NDUFAF2: variants seen among roughly 807,000 people sequenced by gnomAD.
The protein encoded by NDUFAF2 is NADH:ubiquinone oxidoreductase complex assembly factor 2.
Under a neutral mutation model 22.8 loss-of-function variants are expected in NDUFAF2, and 13 were observed. The observed-to-expected ratio is 0.57, with a 90% CI of 0.37 to 0.91. The LOEUF (loss-of-function observed/expected upper bound fraction) is 0.91. NDUFAF2 is among the 40% of genes least tolerant of loss of function. NDUFAF2 has a pLI of 0.01. For synonymous variants in NDUFAF2, 53 were observed against 64.2 expected (o/e 0.83, Z 0.84); for missense variants, 162 against 195.2 (o/e 0.83, Z 1.01).
intron 3 of NDUFAF2, chr5:61,145,918 G>A (rs764883122): frequency 1.3e-5 from 2 of 152,128 alleles, no homozygotes; most frequent in African/African-American, 2.4e-5. Context: ...TTGACCTCAT[G>A]CATGACTCTC....
In NDUFAF2 at chr5:60,996,755, T is replaced by G. The variant is rs113252672; in HGVS notation, c.127+51373T>G. On this transcript the variant is annotated intron_variant, in intron 1 of 3. Transcript: ENST00000296597. The stretch of plus-strand genomic sequence containing the variant: ...CTCTGGCTAGGGCTGATTTTGATGT[T>G]CCCTCTGTAGGCGGGCTTAGCTCAA... Among the ~76,000 whole-genome samples the G allele has an allele frequency of 5.0e-4, 76 of 152,272 alleles. 1 individual carries two copies. Among genetic ancestry groups the G allele is most frequent in the African/African-American group, 1.7e-3 (69 of 41,560 alleles).
chr5:61,057,355 A>G (rs1185366134), intron 1 of NDUFAF2, among the ~76,000 whole-genome samples: 1 of 152,182 alleles, frequency 6.6e-6, no homozygotes, highest in African/African-American at 2.4e-5. Flanking sequence ...ATTGTCTTAC[A>G]ACCAGTTACT....
intron 1 of NDUFAF2, among the ~76,000 whole-genome samples, chr5:61,056,854 A>T (rs113536700): frequency 0.019 from 2,409 of 127,258 alleles, 91 homozygotes; most frequent in African/African-American, 0.069. Context: ...ACGCCATTGC[A>T]CTCCAGCCTG....
chr5:61,044,193 A>G (rs1751918841), intron 1 of NDUFAF2, among the ~76,000 whole-genome samples: 1 of 151,356 alleles, frequency 6.6e-6, no homozygotes, highest in Admixed American at 6.6e-5. Context: ...TTATTTTTTA[A>G]TCAGGTTATT....
At chr5:61,043,703 ATGTGTGTGTGTGTG>A (rs201326548) in intron 1 of NDUFAF2, among the ~76,000 whole-genome samples, 2 of 131,722 alleles carry the variant, frequency 1.5e-5, no homozygotes, top group African/African-American at 6.8e-5. Context: ...GTGTGTGTGT[ATGTGTGTGTGTGTG>A]TGTGTATCTA....
At chr5:61,019,017 C>T (rs1015016638) in intron 1 of NDUFAF2, among the ~76,000 whole-genome samples, 3 of 151,920 alleles carry the variant, frequency 2.0e-5, no homozygotes, top group Non-Finnish European at 4.4e-5. Context: ...GTTCTATTAC[C>T]TTATGTGGGT....
intron 1 of NDUFAF2, among the ~76,000 whole-genome samples, chr5:61,020,567 GTGTGTGTACACATGCACGCA>G (rs921504937): frequency 1.3e-5 from 2 of 151,808 alleles, no homozygotes; most frequent in African/African-American, 4.8e-5. Flanking sequence ...GTGTGTGTGT[GTGTGTGTACACATGCACGCA>G]TGTGTGTGTT....
intron 1 of NDUFAF2, among the ~76,000 whole-genome samples, chr5:61,023,578 A>G (rs1424855163): frequency 6.6e-6 from 1 of 152,140 alleles, no homozygotes; most frequent in African/African-American, 2.4e-5. Flanking sequence ...TTGGTCCTTA[A>G]AAATTTCAAG....
intron 1 of NDUFAF2, among the ~76,000 whole-genome samples, chr5:61,069,735 T>G (rs2111727105): frequency 6.6e-6 from 1 of 152,212 alleles, no homozygotes; most frequent in East Asian, 1.9e-4. Flanking sequence ...ACCTAAACCC[T>G]TGTCATCTAC....
At chr5:60,948,166 C>T (rs1170090581) in intron 1 of NDUFAF2, among the ~76,000 whole-genome samples, 1 of 152,282 alleles carries the variant, frequency 6.6e-6, no homozygotes, top group East Asian at 1.9e-4. Context: ...AGGCACTCAT[C>T]TGATTTCTGA....
rs186249498 is a variant in NDUFAF2, at chr5:60,968,045, A to C, written c.127+22663A>C. On this transcript the variant is annotated intron_variant, in intron 1 of 3. Coordinates refer to ENST00000296597, the MANE Select transcript of NDUFAF2 (RefSeq NM_174889.5). ...TGTTACTGGTCTGTTCAGATTTTAT[A>C]TTTCTTCATGATTAAGTTCTGTTAA... 9.9e-5 allele frequency among the ~76,000 whole-genome samples: 15 copies of C among 151,594 alleles called. 1 individual carries two copies. The East Asian group carries it at 2.1e-3, about 22-fold the overall frequency.
chr5:60,999,484 G>A (rs162250), intron 1 of NDUFAF2, among the ~76,000 whole-genome samples: 22,552 of 152,024 alleles, frequency 0.15, 2,126 homozygotes, highest in South Asian at 0.28. Context: ...GGGACGTATT[G>A]TATGATTCCA....
intron 1 of NDUFAF2, among the ~76,000 whole-genome samples, chr5:60,987,057 A>C (rs1751091611): frequency 6.6e-6 from 1 of 152,148 alleles, no homozygotes; most frequent in Non-Finnish European, 1.5e-5. Flanking sequence ...AAAAGAGAGA[A>C]GATCCAAATA....
chr5:60,969,240 G>C (rs1009260839), intron 1 of NDUFAF2, among the ~76,000 whole-genome samples: 1 of 152,054 alleles, frequency 6.6e-6, no homozygotes, highest in Admixed American at 6.5e-5. Flanking sequence ...GTAGGGGATT[G>C]CCAGATGGTA....
At chr5:61,094,290 G>A (rs1267020709) in intron 2 of NDUFAF2, among the ~76,000 whole-genome samples, 3 of 152,064 alleles carry the variant, frequency 2.0e-5, no homozygotes, top group Non-Finnish European at 4.4e-5. Flanking sequence ...ATTAATACTT[G>A]TGATTGCATT....
At chr5:60,996,617 C>G (rs1191057881) in intron 1 of NDUFAF2, among the ~76,000 whole-genome samples, 1 of 152,206 alleles carries the variant, frequency 6.6e-6, no homozygotes, top group Non-Finnish European at 1.5e-5. Context: ...CCAAGAGTTG[C>G]AATCCTTATG....
intron 2 of NDUFAF2, among the ~76,000 whole-genome samples, chr5:61,095,019 C>T (rs1752620758): frequency 6.6e-6 from 1 of 151,728 alleles, no homozygotes; most frequent in African/African-American, 2.4e-5. Context: ...GATACCGCTT[C>T]CACCCCTGGT....
chr5:61,104,950 C>T (rs1344524870), intron 3 of NDUFAF2, among the ~76,000 whole-genome samples: 2 of 152,126 alleles, frequency 1.3e-5, no homozygotes, highest in Non-Finnish European at 2.9e-5. Flanking sequence ...AATTCTATCT[C>T]TGTATTAGAA....
At chr5:60,961,799 G>A (rs1049590191) in intron 1 of NDUFAF2, among the ~76,000 whole-genome samples, 1 of 150,250 alleles carries the variant, frequency 6.7e-6, no homozygotes, top group Non-Finnish European at 1.5e-5. Flanking sequence ...CTATGTAATT[G>A]CAACCTTAGC....
Sources: gnomAD v4.1 joint callset for allele counts (sites outside exome capture counted in the v4.1 genomes callset) on GRCh38, gnomAD v4.1.1 for gene constraint, MANE v1.5 for transcripts, NCBI Gene and HGNC (gene_info 2026-07-23, HGNC 2026-07-21) for gene names.